RFX1: variants seen among roughly 807,000 people sequenced by gnomAD.
RFX1 encodes the protein MHC class II regulatory factor RFX1.
A neutral mutation model predicts 119.6 loss-of-function variants in RFX1; 42 were observed. The observed-to-expected ratio is 0.35, with a 90% CI of 0.27 to 0.45. The LOEUF (loss-of-function observed/expected upper bound fraction) is 0.45, where lower values mean the gene tolerates loss of function less well. RFX1 is among the 20% of genes least tolerant of loss of function. The probability of loss-of-function intolerance (pLI) is 1.00; values close to 1 mark genes in which losing one functional copy is unlikely to be tolerated. For synonymous variants in RFX1, 628 were observed against 618.5 expected, an observed-to-expected ratio of 1.02 and a Z score of -0.23; for missense variants, 1,118 against 1,368.1, an observed-to-expected ratio of 0.82 and a Z score of 2.88.
At chr19:13,998,045 C>CA (rs1262271625) in intron 1 of RFX1, 1 of 152,224 alleles carries the variant, frequency 6.6e-6, no homozygotes, top group Non-Finnish European at 1.5e-5. Context: ...GACGACCCTT[C>CA]ATCTGTCTGG....
chr19:13,994,761 T>TA (rs1568481148), intron 1 of RFX1, among the ~76,000 whole-genome samples: 29 of 125,426 alleles, frequency 2.3e-4, no homozygotes, highest in Non-Finnish European at 4.0e-4. Context: ...GTGTGTGTAT[T>TA]TTTTTACTTA....
intron 1 of RFX1, among the ~76,000 whole-genome samples, chr19:14,000,317 C>T (rs1158395065): frequency 6.6e-6 from 1 of 152,130 alleles, no homozygotes; most frequent in Non-Finnish European, 1.5e-5. Context: ...GAAACCCCGT[C>T]TCTACTAAAA....
Position 13,997,476 on chromosome 19 carries a change from T to C in RFX1, c.-52-3581A>G, listed in dbSNP as rs556193068. Among the ~76,000 whole-genome samples the C allele has an allele frequency of 1.5e-3, 226 of 152,360 alleles. 1 individual carries two copies. Among genetic ancestry groups the C allele is most frequent in the African/African-American group, 4.8e-3 (198 of 41,596 alleles). ...GCAGTGTGTGGCCAGGCACCTGGCA[T>C]GCTGTAAGCACGCAGGAAATGGCTC... On this transcript the variant is annotated intron_variant, in intron 1 of 20. Coordinates refer to ENST00000254325, the MANE Select transcript of RFX1 (RefSeq NM_002918.5).
rs534608137 is a variant in RFX1, at chr19:13,965,025, C to T, written c.2211+424G>A. On this transcript the variant is annotated intron_variant, in intron 16 of 20. Coordinates refer to ENST00000254325, the MANE Select transcript of RFX1 (RefSeq NM_002918.5). This position sits in a 1 kb window ranked among gnomAD's most constrained non-coding sequence, Gnocchi z 4.7. The stretch of plus-strand genomic sequence containing the variant: ...TTTCCCAACCACATCCCATCAAATT[C>T]CTCACATCTAAGTAGTCAGCGAATG... Among the ~76,000 whole-genome samples the T allele has an allele frequency of 3.9e-5, 6 of 152,264 alleles. No individual in the cohort carries two copies. Among genetic ancestry groups the T allele is most frequent in the African/African-American group, 1.2e-4 (5 of 41,562 alleles).
Position 13,966,597 on chromosome 19 carries a change from T to A in RFX1, c.1851+36A>T. 6.5e-7 allele frequency: 1 copy of A among 1,548,876 alleles called. No individual in the cohort carries two copies. Among genetic ancestry groups the A allele is most frequent in the South Asian group, 1.2e-5 (1 of 84,584 alleles). On this transcript the variant is annotated intron_variant, in intron 13 of 20. Coordinates refer to ENST00000254325, the MANE Select transcript of RFX1 (RefSeq NM_002918.5). This position sits in a 1 kb window ranked among gnomAD's most constrained non-coding sequence, Gnocchi z 6.3. ...TGGCCCTCCCATGCCCGTGGCTGCGTCCCCGTCCACTTGCCTGCCCACCTG... is the reference window on the plus strand; with the variant it reads ...TGGCCCTCCCATGCCCGTGGCTGCGACCCCGTCCACTTGCCTGCCCACCTG...
chr19:13,993,460 C>T, intron 2 of RFX1, 65 bp downstream of exon 2: 3 of 1,483,290 alleles, frequency 2.0e-6, no homozygotes, highest in South Asian at 1.3e-5. Context: ...GCCTTCACAC[C>T]CAGGGTCTAG....
chr19:14,001,679 G>T (rs1271399145), intron 1 of RFX1, among the ~76,000 whole-genome samples: 2 of 152,232 alleles, frequency 1.3e-5, no homozygotes, highest in Non-Finnish European at 2.9e-5. Flanking sequence ...GACCTGGTGG[G>T]CCTGGTCTCT....
chr19:13,962,275 C>T lies in RFX1; in HGVS notation c.*420G>A, dbSNP rs945231263. On this transcript the variant is annotated 3_prime_UTR_variant, in exon 21 of 21. Transcript: ENST00000254325. ...GACGCCCACCTGCGCCGGCCCGGGG[C>T]TCAGGGCTGGGCCCAGGACAGGCTG... is the stretch of plus-strand genomic sequence containing the variant. 1.1e-4 allele frequency: 19 copies of T among 179,880 alleles called. No individual in the cohort carries two copies. The East Asian group carries it at 1.5e-3, about 14-fold the overall frequency. 11.1% of individuals were successfully genotyped at this position (179,880 alleles called of 1,614,324 possible).
At chr19:13,967,878 G>A (rs546914987) in intron 12 of RFX1, among the ~76,000 whole-genome samples, 14 of 152,342 alleles carry the variant, frequency 9.2e-5, no homozygotes, top group South Asian at 8.3e-4. Context: ...GGGAAAGCGA[G>A]TGGGCCTCAC....
rs1161222968 is a variant in RFX1, at chr19:13,968,843, G to A, written c.1548C>T (p.Pro516=). Residue 516 remains proline, a synonymous_variant, in exon 11 of 21, where the codon CCC becomes CCT. Coordinates refer to ENST00000254325, the MANE Select transcript of RFX1 (RefSeq NM_002918.5). The surrounding 1 kb of genome is among the most constrained non-coding windows in gnomAD (Gnocchi z 5.5). ...GCTGGTCCTCCATCAGCCGCAGCAGGGGTGAGCTGGCCTTGATGCGCAGGC... is the reference window on the plus strand; with the variant it reads ...GCTGGTCCTCCATCAGCCGCAGCAGAGGTGAGCTGGCCTTGATGCGCAGGC... The part of the protein sequence containing the change: ...YYGLRIKASS[P]LLRLMEDQQH... 1.9e-6 allele frequency: 3 copies of A among 1,554,460 alleles called. No homozygotes were observed. Among genetic ancestry groups the A allele is most frequent in the Non-Finnish European group, 2.6e-6 (3 of 1,148,954 alleles).
Position 13,973,264 on chromosome 19 carries a change from G to C in RFX1, c.930-137C>G, listed in dbSNP as rs954032859. 14 of 673,530 alleles carry C rather than the reference G, an allele frequency of 2.1e-5. No homozygotes were observed. The African/African-American group carries it at 2.5e-4, about 12-fold the overall frequency. The allele number at this position is 673,530 out of a possible 1,614,324, so 41.7% of individuals were successfully genotyped here. On this transcript the variant is annotated intron_variant, in intron 8 of 20. Coordinates refer to ENST00000254325, the MANE Select transcript of RFX1 (RefSeq NM_002918.5). Reference sequence around the variant, plus strand: ...CCCCTGCAGCAAGGAGCAGATCCTAGCATTCATCTACAACGGACTGGGTAC... The same window carrying C: ...CCCCTGCAGCAAGGAGCAGATCCTACCATTCATCTACAACGGACTGGGTAC...
Position 13,990,263 on chromosome 19 carries a change from G to A in RFX1, c.319+3262C>T, listed in dbSNP as rs1209337768. Among the ~76,000 whole-genome samples, 1 of 152,158 alleles carries A rather than the reference G, an allele frequency of 6.6e-6. No homozygotes were observed. The highest frequency in any genetic ancestry group is 1.5e-5 in the Non-Finnish European group (1 of 68,036). ...GGGGAGAAGCAGCAGAGAGGACCAC[G>A]GAGGGGCTGCGGGCGGTGGGCGGAG... On this transcript the variant is annotated intron_variant, in intron 2 of 20. Transcript: ENST00000254325. The surrounding 1 kb of genome is among the most constrained non-coding windows in gnomAD (Gnocchi z 4.1).
In RFX1 at chr19:13,963,695, C is replaced by G; in HGVS notation, c.2413G>C (p.Glu805Gln). 2 of 1,605,166 alleles carry G rather than the reference C, an allele frequency of 1.2e-6. No homozygotes were observed. Among genetic ancestry groups the G allele is most frequent in the Non-Finnish European group, 1.7e-6 (2 of 1,177,974 alleles). ...RCEDRVVQRL[E>Q]QDFKVTLQQQ... ...TGCAGCGTCACCTTGAAGTCCTGCTCCAGCCGCTGCACCACGCGGTCCTCG... is the reference window on the plus strand; with the variant it reads ...TGCAGCGTCACCTTGAAGTCCTGCTGCAGCCGCTGCACCACGCGGTCCTCG... The change falls in exon 18 of 21, where the codon GAG becomes CAG. Residue 805 changes from glutamate to glutamine, a missense_variant. This residue lies in a region of RFX1 where 68 missense variants were observed against 67.2 expected (regional missense o/e 1.01). Coordinates refer to ENST00000254325, the MANE Select transcript of RFX1 (RefSeq NM_002918.5).
intron 2 of RFX1, among the ~76,000 whole-genome samples, chr19:13,984,177 GAA>G (rs1478009982): frequency 6.6e-6 from 1 of 151,754 alleles, no homozygotes; most frequent in Non-Finnish European, 1.5e-5. Flanking sequence ...AGGCAGCTGA[GAA>G]GAGACAATCA....
intron 2 of RFX1, among the ~76,000 whole-genome samples, chr19:13,983,927 G>A (rs933396207): frequency 2.0e-5 from 3 of 152,226 alleles, no homozygotes; most frequent in African/African-American, 7.2e-5. Context: ...GACGGGACTT[G>A]TGGACAGGCA....
At position 13,972,949 on chromosome 19, in the gene RFX1, T is replaced by A. The variant is rs2305780; in HGVS notation, c.1108A>T (p.Thr370Ser). ...TTGCTGGCCCCAGCCCCAGTGCTGG[T>A]GGAGCTGGCGACGACCTGGCTGCCG... ...VSGSQVVASS[T>S]STGAGASNSS... The change falls in exon 9 of 21, where the codon ACC becomes TCC. Residue 370 changes from threonine to serine, a missense_variant. Physicochemically the swap from Thr to Ser is moderately conservative, Grantham distance 58. Transcript: ENST00000254325. 28 of 1,598,562 alleles carry A rather than the reference T, an allele frequency of 1.8e-5. No individual in the cohort carries two copies. The highest frequency in any genetic ancestry group is 2.0e-5 in the Non-Finnish European group (24 of 1,179,260).
In RFX1 at chr19:13,980,731, T is replaced by TGCATCTTCTCTGGGGTGGGCTC; in HGVS notation, c.622-43_622-42insGAGCCCACCCCAGAGAAGATGC. 1.7e-6 allele frequency: 2 copies of TGCATCTTCTCTGGGGTGGGCTC among 1,201,554 alleles called. No individual in the cohort carries two copies. The highest frequency in any genetic ancestry group is 2.4e-6 in the Non-Finnish European group (2 of 842,376). 74.4% of individuals were successfully genotyped at this position (1,201,554 alleles called of 1,614,324 possible). Reference sequence around the variant, plus strand: ...CACAGGAGTGCCGCTGGGGTGGGCTTGCATCCTCTCTGAGGTGGGCTCACA... The same window carrying TGCATCTTCTCTGGGGTGGGCTC: ...CACAGGAGTGCCGCTGGGGTGGGCTTGCATCTTCTCTGGGGTGGGCTCGCATCCTCTCTGAGGTGGGCTCACA... On this transcript the variant is annotated intron_variant, in intron 5 of 20. Coordinates refer to ENST00000254325, the MANE Select transcript of RFX1 (RefSeq NM_002918.5). The surrounding 1 kb of genome is among the most constrained non-coding windows in gnomAD (Gnocchi z 5.1).
Sources: gnomAD v4.1 joint callset for allele counts (sites outside exome capture counted in the v4.1 genomes callset) on GRCh38, gnomAD v4.1.1 for gene constraint, gnomAD v4.1.1 regional missense constraint, Gnocchi (gnomAD v3.1) non-coding constraint, MANE v1.5 for transcripts, NCBI Gene and HGNC (gene_info 2026-07-23, HGNC 2026-07-21) for gene names.